TASP1: variants seen among roughly 807,000 people sequenced by gnomAD.
TASP1 encodes taspase 1, also known as threonine aspartase 1.
A neutral mutation model predicts 56.6 loss-of-function variants in TASP1; 16 were observed. The observed-to-expected ratio is 0.28, with a 90% CI of 0.19 to 0.43. The LOEUF (loss-of-function observed/expected upper bound fraction) is 0.43. Ranked by LOEUF, TASP1 falls within the 20% of genes least tolerant of loss-of-function variation. The pLI, the probability that TASP1 is intolerant of heterozygous loss-of-function variation, is 1.00. For synonymous variants in TASP1, 179 were observed against 184.2 expected (o/e 0.97, Z 0.23); for missense variants, 393 against 511.6 (o/e 0.77, Z 2.24).
At chr20:13,279,730 C>A in the TASP1 span, 6 of 1,613,904 alleles carry the variant, frequency 3.7e-6, no homozygotes, top group African/African-American at 1.3e-5. Context: ...CCCCGACTGG[C>A]GGGCCTGGTG....
the TASP1 span, among the ~76,000 whole-genome samples, chr20:13,226,123 C>T: frequency 6.6e-6 from 1 of 152,152 alleles, no homozygotes; most frequent in African/African-American, 2.4e-5. Flanking sequence ...TTTACAATAA[C>T]ATTAAAGCAA....
the TASP1 span, among the ~76,000 whole-genome samples, chr20:13,280,272 A>G: frequency 6.6e-6 from 1 of 151,774 alleles, no homozygotes; most frequent in Admixed American, 6.6e-5. Context: ...AAATCAGTGT[A>G]GTAAAAGAGA....
chr20:13,612,354 C>T (rs1010676007), intron 4 of TASP1, among the ~76,000 whole-genome samples: 11 of 151,970 alleles, frequency 7.2e-5, no homozygotes, highest in Admixed American at 3.3e-4. Context: ...TCTCAAATAC[C>T]AGAAAACTAA....
the TASP1 span, among the ~76,000 whole-genome samples, chr20:13,251,225 A>T: frequency 2.6e-5 from 4 of 152,082 alleles, no homozygotes; most frequent in African/African-American, 9.7e-5. Context: ...GAAGGTTTTC[A>T]CTTCCCGCTC....
At chr20:13,357,255 T>A in the TASP1 span, among the ~76,000 whole-genome samples, 4 of 148,076 alleles carry the variant, frequency 2.7e-5, no homozygotes, top group African/African-American at 1.1e-4. Context: ...GAATTAGTAA[T>A]CTTCAGATAA....
At chr20:13,299,395 A>G in the TASP1 span, 1,532 of 1,612,940 alleles carry the variant, frequency 9.5e-4, 13 homozygotes, top group African/African-American at 0.017. This position sits in a 1 kb window ranked among gnomAD's most constrained non-coding sequence, Gnocchi z 5.8. Flanking sequence ...AACGGACAGA[A>G]GTGCACAGAG....
At chr20:13,170,421 T>G in the TASP1 span, among the ~76,000 whole-genome samples, 1 of 152,152 alleles carries the variant, frequency 6.6e-6, no homozygotes, top group Non-Finnish European at 1.5e-5. Context: ...CCCATGCCAA[T>G]CTGGGTTTAA....
chr20:13,404,624 A>C (rs996825936), intron 13 of TASP1, among the ~76,000 whole-genome samples: 1 of 152,166 alleles, frequency 6.6e-6, no homozygotes, highest in Non-Finnish European at 1.5e-5. Context: ...TAAGTAAATA[A>C]ATAAATTGCA....
At position 13,630,136 on chromosome 20, in the gene TASP1, G is replaced by T; in HGVS notation, c.-58C>A. On this transcript the variant is annotated 5_prime_UTR_variant, in exon 2 of 14. Transcript: ENST00000337743. ...GGCATACTTCCATCCAAAAGTAATTGCAGGAGAGGAATTACCCTAAAGGAA... is the reference window on the plus strand; with the variant it reads ...GGCATACTTCCATCCAAAAGTAATTTCAGGAGAGGAATTACCCTAAAGGAA... 1 of 1,559,214 alleles carries T rather than the reference G, an allele frequency of 6.4e-7. No homozygotes were observed. The highest frequency in any genetic ancestry group is 2.0e-5 in the Admixed American group (1 of 49,466).
chr20:13,164,659 G>C, the TASP1 span: 1 of 861,570 alleles, frequency 1.2e-6, no homozygotes, highest in Non-Finnish European at 1.9e-6. Context: ...AACTAAGACT[G>C]TGTGTCTTTG....
At chr20:13,296,263 G>A in the TASP1 span, among the ~76,000 whole-genome samples, 4 of 152,156 alleles carry the variant, frequency 2.6e-5, no homozygotes, top group African/African-American at 7.2e-5. Flanking sequence ...GTCTTTCTCT[G>A]GACCCGAGCC....
At chr20:13,204,346 T>C in the TASP1 span, among the ~76,000 whole-genome samples, 3 of 152,244 alleles carry the variant, frequency 2.0e-5, no homozygotes, top group African/African-American at 7.2e-5. Flanking sequence ...AATTTTCCTC[T>C]GCCATTTCCG....
chr20:13,469,554 G>T (rs944720771), intron 11 of TASP1, among the ~76,000 whole-genome samples: 1 of 151,992 alleles, frequency 6.6e-6, no homozygotes, highest in Non-Finnish European at 1.5e-5. Context: ...CTATTTGTAA[G>T]AAGAAAGGAA....
the TASP1 span, among the ~76,000 whole-genome samples, chr20:13,218,426 T>C: frequency 6.6e-6 from 1 of 151,890 alleles, no homozygotes; most frequent in African/African-American, 2.4e-5. Flanking sequence ...GAAAGAAAAC[T>C]AGATACTGGG....
At chr20:13,633,021 G>A (rs2049155204) in intron 1 of TASP1, among the ~76,000 whole-genome samples, 1 of 152,006 alleles carries the variant, frequency 6.6e-6, no homozygotes, top group Non-Finnish European at 1.5e-5. Flanking sequence ...AGAAAAACCG[G>A]AGCTAAGTTG....
At chr20:13,576,385 GAAAGAAAGAA>G (rs1457665779) in intron 6 of TASP1, among the ~76,000 whole-genome samples, 79 of 150,310 alleles carry the variant, frequency 5.3e-4, no homozygotes, top group African/African-American at 1.9e-3. Flanking sequence ...AAGAAAGAAA[GAAAGAAAGAA>G]AGTCAGTCTT....
At chr20:13,279,678 A>G in the TASP1 span, 2 of 1,614,014 alleles carry the variant, frequency 1.2e-6, no homozygotes, top group Non-Finnish European at 1.7e-6. Flanking sequence ...AAGCAGATAA[A>G]GATCAGCATC....
intron 4 of TASP1, among the ~76,000 whole-genome samples, chr20:13,591,424 T>C (rs1182211313): frequency 6.6e-6 from 1 of 151,926 alleles, no homozygotes; most frequent in African/African-American, 2.4e-5. Context: ...CAGAAGACAA[T>C]GGAGTAATCT....
the TASP1 span, chr20:13,160,173 C>T: frequency 6.4e-7 from 1 of 1,567,928 alleles, no homozygotes; most frequent in Non-Finnish European, 8.7e-7. Flanking sequence ...GTACCAGTAC[C>T]TTGGATTCAA....
Sources: gnomAD v4.1 joint callset for allele counts (sites outside exome capture counted in the v4.1 genomes callset) on GRCh38, gnomAD v4.1.1 for gene constraint, Gnocchi (gnomAD v3.1) non-coding constraint, MANE v1.5 for transcripts, NCBI Gene and HGNC (gene_info 2026-07-23, HGNC 2026-07-21) for gene names.